Variants in SDK1 observed in about 807,000 individuals in gnomAD.
SDK1 encodes sidekick cell adhesion molecule 1, also known as protein sidekick-1.
A neutral mutation model predicts 245.5 loss-of-function variants in SDK1; 157 were observed. The observed-to-expected ratio is 0.64, with a 90% CI of 0.56 to 0.73. The LOEUF (loss-of-function observed/expected upper bound fraction) is 0.73, where lower values mean the gene tolerates loss of function less well. Ranked by LOEUF, SDK1 falls within the 30% of genes least tolerant of loss-of-function variation. The pLI is 0.00. For synonymous variants in SDK1, 1,647 were observed against 1,278.5 expected, an observed-to-expected ratio of 1.29 and a Z score of -6.15; for missense variants, 3,583 against 3,002.3, an observed-to-expected ratio of 1.19 and a Z score of -4.52.
intron 5 of SDK1, among the ~76,000 whole-genome samples, chr7:3,893,311 A>T (rs1781508294): frequency 6.6e-6 from 1 of 152,146 alleles, no homozygotes; most frequent in African/African-American, 2.4e-5. Flanking sequence ...TCTGAATCGC[A>T]CTGTCTGCTC....
intron 1 of SDK1, among the ~76,000 whole-genome samples, chr7:3,434,652 A>C (rs1442479765): frequency 6.6e-6 from 1 of 152,238 alleles, no homozygotes; most frequent in African/African-American, 2.4e-5. Context: ...CTGGGGTTTC[A>C]GCCCAAGCCA....
intron 4 of SDK1, among the ~76,000 whole-genome samples, chr7:3,727,117 T>A (rs1461244721): frequency 6.6e-6 from 1 of 152,210 alleles, no homozygotes; most frequent in Non-Finnish European, 1.5e-5. Flanking sequence ...AAGGAAACAA[T>A]GTTTCCCTCT....
chr7:3,990,800 A>T (rs564137476), intron 14 of SDK1, among the ~76,000 whole-genome samples: 1 of 152,224 alleles, frequency 6.6e-6, no homozygotes, highest in South Asian at 2.1e-4. Context: ...AAACAGAGGC[A>T]TTCTACCTTC....
At chr7:4,250,069 C>T (rs914823289) in intron 44 of SDK1, among the ~76,000 whole-genome samples, 2 of 152,198 alleles carry the variant, frequency 1.3e-5, no homozygotes, top group African/African-American at 4.8e-5. Flanking sequence ...CCAACCCCAG[C>T]TCTTGGCAAC....
At chr7:3,987,164 T>C (rs1417182311) in intron 13 of SDK1, 22 bp from the exon 14 acceptor site, 5 of 1,613,278 alleles carry the variant, frequency 3.1e-6, no homozygotes, top group African/African-American at 1.3e-5. Context: ...CTCTTTTTCC[T>C]TTTCATCCCA....
At chr7:3,488,113 CTT>C (rs1331991027) in intron 1 of SDK1, among the ~76,000 whole-genome samples, 2 of 152,178 alleles carry the variant, frequency 1.3e-5, no homozygotes, top group African/African-American at 4.8e-5. Context: ...AGATTCATCT[CTT>C]TACCTTTTAT....
intron 2 of SDK1, among the ~76,000 whole-genome samples, chr7:3,623,777 G>C (rs879547900): frequency 2.0e-5 from 3 of 151,962 alleles, no homozygotes; most frequent in African/African-American, 7.3e-5. Context: ...CTTAATGCTA[G>C]GCACAATATT....
chr7:3,681,661 C>CT lies in SDK1; in HGVS notation c.713+39565dup, dbSNP rs201061783. The stretch of plus-strand genomic sequence containing the variant: ...AAATATAAGCTCCAAAGATCATGTG[C>CT]TTTTTTTTTATATTTTTATCCCAAG... On this transcript the variant is annotated intron_variant, in intron 4 of 44. Coordinates refer to ENST00000404826, the MANE Select transcript of SDK1 (RefSeq NM_152744.4). Among the ~76,000 whole-genome samples the CT allele has an allele frequency of 6.2e-3, 940 of 151,414 alleles. 9 individuals carry two copies. The highest frequency in any genetic ancestry group is 0.019 in the African/African-American group (770 of 41,272).
At chr7:3,435,511 G>T (rs897903771) in intron 1 of SDK1, among the ~76,000 whole-genome samples, 9 of 149,974 alleles carry the variant, frequency 6.0e-5, no homozygotes, top group Non-Finnish European at 1.0e-4. Context: ...TTATGATTAT[G>T]ATTATGATTA....
intron 5 of SDK1, among the ~76,000 whole-genome samples, chr7:3,932,708 C>G (rs1780020663): frequency 6.6e-6 from 1 of 152,216 alleles, no homozygotes; most frequent in African/African-American, 2.4e-5. Flanking sequence ...AATTATCGTT[C>G]TTCACTATCA....
chr7:3,806,122 C>T (rs934751437), intron 4 of SDK1, among the ~76,000 whole-genome samples: 3 of 152,236 alleles, frequency 2.0e-5, no homozygotes, highest in African/African-American at 7.2e-5. Flanking sequence ...GCAGCGTAAA[C>T]TTTCTCCTCT....
intron 35 of SDK1, among the ~76,000 whole-genome samples, chr7:4,196,304 CT>C (rs1457716048): frequency 6.6e-6 from 1 of 152,178 alleles, no homozygotes; most frequent in Non-Finnish European, 1.5e-5. Flanking sequence ...AGCCTGTGAC[CT>C]TGCAGGAGCT....
chr7:3,870,025 T>C (rs1233948653), intron 5 of SDK1, among the ~76,000 whole-genome samples: 1 of 152,238 alleles, frequency 6.6e-6, no homozygotes, highest in Non-Finnish European at 1.5e-5. Flanking sequence ...CAAAAGGTTC[T>C]GCATAAATGG....
chr7:3,578,087 C>T (rs117882872), intron 1 of SDK1, among the ~76,000 whole-genome samples: 3 of 151,956 alleles, frequency 2.0e-5, no homozygotes, highest in Non-Finnish European at 4.4e-5. Flanking sequence ...CTCTAATTTG[C>T]ATTATTTTTT....
At chr7:3,522,638 G>A (rs940059914) in intron 1 of SDK1, among the ~76,000 whole-genome samples, 37 of 151,994 alleles carry the variant, frequency 2.4e-4, no homozygotes, top group Admixed American at 2.2e-3. Flanking sequence ...ACCTTTGAAC[G>A]ACTTCTTACT....
intron 38 of SDK1, among the ~76,000 whole-genome samples, chr7:4,213,241 A>C (rs1454515076): frequency 2.6e-5 from 4 of 152,044 alleles, no homozygotes; most frequent in African/African-American, 9.7e-5. Flanking sequence ...GTGAAACCCC[A>C]TCTCTACTAA....
intron 4 of SDK1, among the ~76,000 whole-genome samples, chr7:3,806,250 G>C (rs10255254): frequency 0.014 from 2,198 of 152,034 alleles, 53 homozygotes; most frequent in African/African-American, 0.05. Flanking sequence ...TATCTGCAAA[G>C]TCCCTTTCCC....
chr7:3,469,740 A>G (rs1440324293), intron 1 of SDK1, among the ~76,000 whole-genome samples: 1 of 152,208 alleles, frequency 6.6e-6, no homozygotes, highest in East Asian at 1.9e-4. Flanking sequence ...CAGAAAACAC[A>G]TCTGCCTTAG....
At chr7:3,941,742 C>G (rs953317502) in intron 5 of SDK1, among the ~76,000 whole-genome samples, 7 of 152,148 alleles carry the variant, frequency 4.6e-5, no homozygotes, top group Admixed American at 3.9e-4. Context: ...CCACCAAACT[C>G]GAACCTCTTT....
Sources: gnomAD v4.1 joint callset for allele counts (sites outside exome capture counted in the v4.1 genomes callset) on GRCh38, gnomAD v4.1.1 for gene constraint, MANE v1.5 for transcripts, NCBI Gene and HGNC (gene_info 2026-07-23, HGNC 2026-07-21) for gene names.